Variants in DMD observed in about 807,000 individuals in gnomAD.
DMD encodes dystrophin, also known as mutant dystrophin.
A neutral mutation model predicts 330.1 loss-of-function variants in DMD; 63 were observed. That is an observed-to-expected ratio of 0.19 (90% CI 0.16 to 0.24). DMD has a LOEUF of 0.24. Ranked by LOEUF, DMD falls within the 10% of genes least tolerant of loss-of-function variation. The pLI is 1.00. For missense variants in DMD, 3,344 were observed against 2,684.1 expected, an observed-to-expected ratio of 1.25 and a Z score of -5.43; for synonymous variants, 1,223 against 959.8, an observed-to-expected ratio of 1.27 and a Z score of -5.07.
chrX:32,923,619 C>G (rs112880579), intron 2 of DMD, among the ~76,000 whole-genome samples: 2 of 110,533 alleles, frequency 1.8e-5, no homozygotes, highest in African/African-American at 6.6e-5. Context: ...TAGGTGTTAA[C>G]GATAATTGCC....
At chrX:31,995,948 C>G (rs1351530860) in intron 44 of DMD, among the ~76,000 whole-genome samples, 4 of 111,983 alleles carry the variant, frequency 3.6e-5, no homozygotes, top group Non-Finnish European at 5.6e-5. Context: ...GTACACAGGA[C>G]ATTTGATCAC....
At chrX:32,762,923 C>A (rs1489129151) in intron 7 of DMD, among the ~76,000 whole-genome samples, 1 of 111,756 alleles carries the variant, frequency 8.9e-6, no homozygotes, top group African/African-American at 3.3e-5. Context: ...TATTAGGAGG[C>A]TATGGAATAT....
intron 59 of DMD, among the ~76,000 whole-genome samples, chrX:31,468,850 T>C (rs1338482805): frequency 8.9e-6 from 1 of 111,997 alleles, no homozygotes; most frequent in African/African-American, 3.3e-5. Context: ...GGTGCTCCTA[T>C]ATTGGGTGCA....
At chrX:32,490,516 C>T (rs889503689) in intron 20 of DMD, among the ~76,000 whole-genome samples, 10 of 111,099 alleles carry the variant, frequency 9.0e-5, no homozygotes, top group South Asian at 3.8e-4. Context: ...CTTTGTCTTA[C>T]GATTAAGTTT....
intron 41 of DMD, among the ~76,000 whole-genome samples, chrX:32,322,329 TGAGAA>T (rs1483251885): frequency 9.0e-6 from 1 of 110,889 alleles, no homozygotes; most frequent in African/African-American, 3.3e-5. Context: ...GAGGCTGAGG[TGAGAA>T]GATTACTTGA....
rs1603424333 is a variant in DMD, at chrX:33,244,120, T to C, written c.7+95139A>G. Among the ~76,000 whole-genome samples, 3 of 111,957 alleles carry C rather than the reference T, an allele frequency of 2.7e-5. 1 individual carries two copies. The Admixed American group carries it at 2.9e-4, about 11-fold the overall frequency. ...CTTTTGTTTATTCTTCTTGCCTAAT[T>C]ACTTCCAGGACTGTGTTGAATAGAA... On this transcript the variant is annotated intron_variant, in intron 1 of 17. Coordinates refer to the DMD transcript ENST00000288447.
At chrX:32,050,751 A>T (rs1380431886) in intron 44 of DMD, among the ~76,000 whole-genome samples, 1 of 110,770 alleles carries the variant, frequency 9.0e-6, no homozygotes, top group Non-Finnish European at 1.9e-5. Context: ...GGGCTTTTTG[A>T]TCCTATCTTT....
intron 64 of DMD, among the ~76,000 whole-genome samples, chrX:31,212,178 A>ATGTG (rs377234015): frequency 2.7e-5 from 2 of 75,308 alleles, no homozygotes; most frequent in South Asian, 5.8e-4. Flanking sequence ...GTGTGTGTGT[A>ATGTG]TGTGTGTGTG....
intron 27 of DMD, among the ~76,000 whole-genome samples, chrX:32,444,165 C>T (rs925328976): frequency 7.2e-5 from 8 of 110,462 alleles, no homozygotes; most frequent in Non-Finnish European, 9.5e-5. Flanking sequence ...GCCATCCACC[C>T]TGTAAGGAAG....
chrX:31,931,490 AC>A (rs1030005670), intron 46 of DMD, among the ~76,000 whole-genome samples: 3 of 110,351 alleles, frequency 2.7e-5, no homozygotes, highest in Non-Finnish European at 3.8e-5. Flanking sequence ...CACGTCCCAC[AC>A]CCCCAGACAA....
At chrX:32,205,615 A>G (rs1248135412) in intron 44 of DMD, among the ~76,000 whole-genome samples, 2 of 111,937 alleles carry the variant, frequency 1.8e-5, no homozygotes, top group Non-Finnish European at 3.8e-5. Flanking sequence ...ACCTTGGATT[A>G]TATGTGAATA....
At chrX:33,194,195 T>C (rs754855728) in intron 1 of DMD, among the ~76,000 whole-genome samples, 1 of 111,022 alleles carries the variant, frequency 9.0e-6, no homozygotes, top group South Asian at 3.8e-4. Context: ...TTTTCAGTGG[T>C]AGAACTTGAT....
intron 7 of DMD, among the ~76,000 whole-genome samples, chrX:32,795,069 T>C (rs2076088993): frequency 8.9e-6 from 1 of 112,211 alleles, no homozygotes; most frequent in South Asian, 3.7e-4. Context: ...GTTATTAACA[T>C]GATCTTTCTA....
intron 1 of DMD, among the ~76,000 whole-genome samples, chrX:33,267,948 T>C (rs2053075685): frequency 9.1e-6 from 1 of 110,438 alleles, no homozygotes; most frequent in South Asian, 3.8e-4. Flanking sequence ...CTACAAATCC[T>C]AGAAACAAAC....
intron 2 of DMD, among the ~76,000 whole-genome samples, chrX:32,929,026 G>T (rs1434578324): frequency 9.0e-6 from 1 of 111,161 alleles, no homozygotes; most frequent in Non-Finnish European, 1.9e-5. Context: ...TGGATTTCGG[G>T]ATGGAGAAAG....
chrX:32,235,297 T>C (rs890101677), intron 43 of DMD, among the ~76,000 whole-genome samples: 1 of 110,300 alleles, frequency 9.1e-6, no homozygotes, highest in Non-Finnish European at 1.9e-5. Flanking sequence ...TAGTTCACAA[T>C]AGGGTTTGTG....
At chrX:32,840,877 T>A (rs2080100834) in intron 4 of DMD, among the ~76,000 whole-genome samples, 1 of 111,952 alleles carries the variant, frequency 8.9e-6, no homozygotes, top group Non-Finnish European at 1.9e-5. Context: ...ATATGTGTTT[T>A]TGGCAAACTG....
intron 2 of DMD, among the ~76,000 whole-genome samples, chrX:32,860,943 G>A (rs1451956990): frequency 1.8e-5 from 2 of 111,568 alleles, no homozygotes; most frequent in Non-Finnish European, 3.8e-5. Flanking sequence ...TATGCAGAGG[G>A]AATTTAGAAA....
chrX:31,565,100 G>C (rs966858657), intron 55 of DMD, among the ~76,000 whole-genome samples: 6 of 112,063 alleles, frequency 5.4e-5, no homozygotes, highest in African/African-American at 1.9e-4. Context: ...TTCACATGTA[G>C]TTGTGAGAAA....
Sources: gnomAD v4.1 joint callset for allele counts (sites outside exome capture counted in the v4.1 genomes callset) on GRCh38, gnomAD v4.1.1 for gene constraint, MANE v1.5 for transcripts, NCBI Gene and HGNC (gene_info 2026-07-23, HGNC 2026-07-21) for gene names.